The following ZC3HAV1L variants were observed in gnomAD, a reference collection of about 807,000 sequenced individuals.
ZC3HAV1L encodes the protein ZC3HAV1 like, also known as zinc finger CCCH-type antiviral protein 1-like.
Under a neutral mutation model 28.2 loss-of-function variants are expected in ZC3HAV1L, and 23 were observed. The ratio of observed to expected loss-of-function variants is 0.82; its 90% CI spans 0.59 to 1.16. The LOEUF is 1.16. ZC3HAV1L is among the 50% of genes most tolerant of loss of function. The pLI is 0.00. For synonymous variants in ZC3HAV1L, 180 were observed against 163.4 expected (o/e 1.10, Z -0.78); for missense variants, 376 against 387.7 (o/e 0.97, Z 0.25).
chr7:139,034,485 T>C (rs7810237), intron 2 of ZC3HAV1L, 58 bp downstream of exon 2: 855,720 of 1,582,638 alleles, frequency 0.54, 236,115 homozygotes, highest in African/African-American at 0.77. Flanking sequence ...AAAAGAAAAA[T>C]AAATGGGGAA....
At chr7:139,029,765 G>A (rs1247451837) in intron 2 of ZC3HAV1L, among the ~76,000 whole-genome samples, 5 of 152,072 alleles carry the variant, frequency 3.3e-5, no homozygotes, top group African/African-American at 1.2e-4. Flanking sequence ...TCTATCTCAG[G>A]CTCTGCTTCC....
Position 139,026,691 on chromosome 7 carries a change from C to A in ZC3HAV1L, c.886+17G>T. On this transcript the variant is annotated intron_variant, in intron 4 of 4. Coordinates refer to ENST00000275766, the MANE Select transcript of ZC3HAV1L (RefSeq NM_080660.4). The stretch of plus-strand genomic sequence containing the variant: ...GACAAGCTTCTTCTTAGTTCACTGA[C>A]CCCCTTTAAGGTTTACCTGGGCAGG... 6.2e-7 allele frequency: 1 copy of A among 1,613,408 alleles called. No individual in the cohort carries two copies. The highest frequency in any genetic ancestry group is 8.5e-7 in the Non-Finnish European group (1 of 1,179,662).
At chr7:139,030,322 G>A (rs1196934866) in intron 2 of ZC3HAV1L, among the ~76,000 whole-genome samples, 2 of 152,200 alleles carry the variant, frequency 1.3e-5, no homozygotes, top group Admixed American at 1.3e-4. Flanking sequence ...GCACACGCCT[G>A]TAATTCCAGC....
chr7:139,021,818 A>C (rs994688398), downstream of ZC3HAV1L, among the ~76,000 whole-genome samples: 1 of 152,144 alleles, frequency 6.6e-6, no homozygotes, highest in African/African-American at 2.4e-5. Context: ...AAAAATATCA[A>C]AAAAACTTAT....
chr7:139,031,899 C>T (rs1214619895), intron 2 of ZC3HAV1L, among the ~76,000 whole-genome samples: 5 of 151,768 alleles, frequency 3.3e-5, no homozygotes, highest in African/African-American at 9.7e-5. Flanking sequence ...AGCAAGATTC[C>T]ATCTCAAAAA....
Position 139,035,705 on chromosome 7 carries a change from G to A in ZC3HAV1L, c.313C>T (p.Leu105=). 2 of 1,484,048 alleles carry A rather than the reference G, an allele frequency of 1.3e-6. No individual in the cohort carries two copies. The highest frequency in any genetic ancestry group is 1.8e-6 in the Non-Finnish European group (2 of 1,126,142). 91.9% of individuals were successfully genotyped at this position (1,484,048 alleles called of 1,614,324 possible). The stretch of plus-strand genomic sequence containing the variant: ...AGCATGTGCCGGCGGCAGAAGTGCA[G>A]CTGGTCGCAGGCCTGGCACTCGCCG... ...QRGECQACDQ[L]HFCRRHMLGK... The change falls in exon 1 of 5, where the codon CTG becomes TTG. Residue 105 remains leucine (L), a synonymous_variant. Coordinates refer to ENST00000275766, the MANE Select transcript of ZC3HAV1L (RefSeq NM_080660.4).
chr7:139,024,451 T>C (rs1815305659), downstream of ZC3HAV1L, among the ~76,000 whole-genome samples: 1 of 152,180 alleles, frequency 6.6e-6, no homozygotes, highest in Admixed American at 6.5e-5. Flanking sequence ...AGATTTAAGA[T>C]AGCTTACTAC....
intron 3 of ZC3HAV1L, among the ~76,000 whole-genome samples, chr7:139,027,233 A>G (rs933424079): frequency 1.3e-5 from 2 of 152,224 alleles, no homozygotes; most frequent in Non-Finnish European, 2.9e-5. Context: ...AAAGCTTAGC[A>G]ACTCCGCCTT....
chr7:139,036,030 G>C lies in ZC3HAV1L; in HGVS notation c.-13C>G. The C allele has an allele frequency of 6.7e-7, 1 of 1,487,610 alleles. No individual in the cohort carries two copies. The highest frequency in any genetic ancestry group is 8.9e-7 in the Non-Finnish European group (1 of 1,127,962). The allele number at this position is 1,487,610 out of a possible 1,614,324, so 92.2% of individuals were successfully genotyped here. ...TGGGCTCCGCCATGGTCGCTGGCGCGGGCCCTGTGCGCGCGGCGCAGCGAG... is the reference window on the plus strand; with the variant it reads ...TGGGCTCCGCCATGGTCGCTGGCGCCGGCCCTGTGCGCGCGGCGCAGCGAG... On this transcript the variant is annotated 5_prime_UTR_variant, in exon 1 of 5. Transcript: ENST00000275766.
intron 4 of ZC3HAV1L, 35 bp from the exon 5 acceptor site, chr7:139,026,595 C>G: frequency 6.2e-7 from 1 of 1,612,040 alleles, no homozygotes; most frequent in Non-Finnish European, 8.5e-7. Flanking sequence ...CATTACAAAT[C>G]TATCATTAAA....
intron 2 of ZC3HAV1L, among the ~76,000 whole-genome samples, chr7:139,030,244 A>G (rs906859074): frequency 1.3e-5 from 2 of 152,004 alleles, no homozygotes; most frequent in East Asian, 1.9e-4. Flanking sequence ...TCAGGAGTTC[A>G]TAACAGCCTG....
chr7:139,028,994 A>C, intron 2 of ZC3HAV1L, 34 bp from the exon 3 acceptor site: 1 of 1,590,524 alleles, frequency 6.3e-7, no homozygotes, highest in Non-Finnish European at 8.6e-7. Context: ...CTGAAATATT[A>C]GTTTTTCTTT....
At chr7:139,035,208 A>G (rs780379061) in intron 1 of ZC3HAV1L, 695 of 985,132 alleles carry the variant, frequency 7.1e-4, no homozygotes, top group Non-Finnish European at 8.1e-4. Flanking sequence ...TTAAACCTAG[A>G]GGGCGCAGAC....
In ZC3HAV1L at chr7:139,035,774, C is replaced by T. The variant is rs1391900981; in HGVS notation, c.244G>A (p.Val82Met). 6.0e-6 allele frequency: 9 copies of T among 1,496,252 alleles called. No individual in the cohort carries two copies. The allele number at this position is 1,496,252 out of a possible 1,614,324, so 92.7% of individuals were successfully genotyped here. ...VGGGGTSAWR[V>M]VAVSSVRLCA... is the part of the protein sequence containing the mutation. ...AGGCGCACAGAGGACACGGCCACCACCCTCCAGGCGGAGGTGCCGCCACCG... is the reference window on the plus strand; with the variant it reads ...AGGCGCACAGAGGACACGGCCACCATCCTCCAGGCGGAGGTGCCGCCACCG... Residue 82 changes from valine to methionine, a missense_variant, in exon 1 of 5, where the codon GTG (valine) becomes ATG (methionine). Physicochemically the swap from Val to Met is conservative, Grantham distance 21. Coordinates refer to ENST00000275766, the MANE Select transcript of ZC3HAV1L (RefSeq NM_080660.4).
Position 139,028,897 on chromosome 7 carries a change from T to TG in ZC3HAV1L, c.564dup (p.Asn189GlnfsTer46). 1 of 1,614,246 alleles carries TG rather than the reference T, an allele frequency of 6.2e-7. No homozygotes were observed. On this transcript the variant is annotated frameshift_variant, in exon 3 of 5. Coordinates refer to ENST00000275766, the MANE Select transcript of ZC3HAV1L (RefSeq NM_080660.4). LOFTEE classifies it high-confidence loss of function. ...AAGGATTTGCACACATGAAACTTGT[T>TG]GCATTTATCCTTGAGGTTGCAGTAG...
intron 2 of ZC3HAV1L, 64 bp downstream of exon 2, chr7:139,034,478 AG>A (rs1193715856): frequency 6.3e-6 from 10 of 1,580,872 alleles, no homozygotes; most frequent in African/African-American, 1.4e-5. Context: ...TAAAGCCAAA[AG>A]AAAAATAAAT....
intron 1 of ZC3HAV1L, chr7:139,035,027 C>T (rs1815658437): frequency 2.0e-6 from 2 of 985,454 alleles, no homozygotes; most frequent in South Asian, 9.4e-5. Context: ...CTATCCCCAG[C>T]ACCGCTTTGG....
rs767778712 is a variant in ZC3HAV1L at position 139,034,531 on chromosome 7, T to C, written c.501+12A>G. ...GCAAATGTGACATGAGGGTGACTCC[T>C]TGGTGACTCACCTCTGGTAAAAGAC... On this transcript the variant is annotated intron_variant, in intron 2 of 4. Transcript: ENST00000275766. 1.2e-5 allele frequency: 20 copies of C among 1,613,782 alleles called. No homozygotes were observed. In the Middle Eastern group the frequency reaches 9.9e-4, roughly 80 times the overall value.
In ZC3HAV1L at chr7:139,032,129, A is replaced by G. The variant is rs1815552650; in HGVS notation, c.501+2414T>C. 3.9e-5 allele frequency among the ~76,000 whole-genome samples: 6 copies of G among 152,118 alleles called. No homozygotes were observed. In the South Asian group the frequency reaches 1.2e-3, roughly 31 times the overall value. ...AGTAAATAAACTTTAAAAATGAAAGATAAACTACTTTAATTAGTATGATAG... is the reference window on the plus strand; with the variant it reads ...AGTAAATAAACTTTAAAAATGAAAGGTAAACTACTTTAATTAGTATGATAG... On this transcript the variant is annotated intron_variant, in intron 2 of 4. Coordinates refer to ENST00000275766, the MANE Select transcript of ZC3HAV1L (RefSeq NM_080660.4).
Sources: gnomAD v4.1 joint callset for allele counts (sites outside exome capture counted in the v4.1 genomes callset) on GRCh38, gnomAD v4.1.1 for gene constraint, MANE v1.5 for transcripts, NCBI Gene and HGNC (gene_info 2026-07-23, HGNC 2026-07-21) for gene names.